RPTOR: variants seen among roughly 807,000 people sequenced by gnomAD.
The protein encoded by RPTOR is regulatory associated protein of MTOR complex 1.
A neutral mutation model predicts 169.9 loss-of-function variants in RPTOR; 21 were observed. That is an observed-to-expected ratio of 0.12 (90% CI 0.09 to 0.18). The LOEUF (loss-of-function observed/expected upper bound fraction) is 0.18. RPTOR is among the 10% of genes least tolerant of loss of function. The pLI, the probability that RPTOR is intolerant of heterozygous loss-of-function variation, is 1.00. For missense variants in RPTOR, 1,133 were observed against 1,855.9 expected (o/e 0.61, Z 7.16); for synonymous variants, 732 against 753.2 (o/e 0.97, Z 0.46).
rs555927669 is a variant in RPTOR, at chr17:80,555,087, CAGATGTTTG to C, written c.162+9300_162+9308del. Among the ~76,000 whole-genome samples, 30 of 152,232 alleles carry C rather than the reference CAGATGTTTG, an allele frequency of 2.0e-4. No individual in the cohort carries two copies. The East Asian group carries it at 4.2e-3, about 22-fold the overall frequency. On this transcript the variant is annotated intron_variant, in intron 1 of 33. Transcript: ENST00000306801. ...TAAGACCGTAAAGGGGCCCTGCTGCCAGATGTTTGAGAGTTATTAGTGTAGTTAGAAGAA... is the reference window on the plus strand; with the variant it reads ...TAAGACCGTAAAGGGGCCCTGCTGCCAGAGTTATTAGTGTAGTTAGAAGAA...
intron 3 of RPTOR, among the ~76,000 whole-genome samples, chr17:80,666,428 G>A (rs754031414): frequency 1.1e-4 from 17 of 152,116 alleles, no homozygotes; most frequent in African/African-American, 1.7e-4. Context: ...GGTCCTTGCC[G>A]TGAGTATAGG....
chr17:80,782,022 C>A (rs2066946704), intron 6 of RPTOR, among the ~76,000 whole-genome samples: 3 of 152,242 alleles, frequency 2.0e-5, no homozygotes. Context: ...CGGGGATTGA[C>A]TGATTCTTAA....
At chr17:80,855,435 G>C (rs755391849) in intron 11 of RPTOR, 29 bp from the exon 12 acceptor site, 2 of 1,561,628 alleles carry the variant, frequency 1.3e-6, no homozygotes, top group Middle Eastern at 1.7e-4. Context: ...ATGGTTTGCA[G>C]TGATACCATT....
intron 1 of RPTOR, among the ~76,000 whole-genome samples, chr17:80,599,906 A>G (rs777813830): frequency 1.3e-5 from 2 of 152,158 alleles, no homozygotes; most frequent in Non-Finnish European, 1.5e-5. Context: ...CCAGGCAGAA[A>G]ATTCAAAGTG....
chr17:80,632,866 G>A (rs775773902), intron 2 of RPTOR, among the ~76,000 whole-genome samples: 3 of 152,082 alleles, frequency 2.0e-5, no homozygotes, highest in Non-Finnish European at 4.4e-5. Flanking sequence ...GTGCAGTGGC[G>A]TGATCATAGC....
chr17:80,923,447 G>A, intron 22 of RPTOR, 43 bp from the exon 23 acceptor site: 1 of 1,610,330 alleles, frequency 6.2e-7, no homozygotes, highest in Non-Finnish European at 8.5e-7. Flanking sequence ...CGAAGCCCCA[G>A]ACTCTGCAGA....
chr17:80,611,546 C>T (rs1455384178), intron 1 of RPTOR, among the ~76,000 whole-genome samples: 7 of 152,068 alleles, frequency 4.6e-5, no homozygotes, highest in South Asian at 2.1e-4. Flanking sequence ...GGGTTACAGG[C>T]GTGAGCAGGA....
At chr17:80,851,039 C>A (rs1051860506) in intron 11 of RPTOR, among the ~76,000 whole-genome samples, 3 of 152,238 alleles carry the variant, frequency 2.0e-5, no homozygotes, top group Admixed American at 6.5e-5. Flanking sequence ...GGCCACCCTC[C>A]TGACTCAGCC....
At chr17:80,709,507 G>C (rs891080486) in intron 4 of RPTOR, among the ~76,000 whole-genome samples, 1 of 152,242 alleles carries the variant, frequency 6.6e-6, no homozygotes, top group Admixed American at 6.5e-5. Flanking sequence ...TCACTTGGTC[G>C]GAGGCTCTGC....
At chr17:80,578,024 C>T (rs533991174) in intron 1 of RPTOR, among the ~76,000 whole-genome samples, 7 of 152,284 alleles carry the variant, frequency 4.6e-5, no homozygotes, top group South Asian at 2.1e-4. Context: ...AGACTGAGGG[C>T]GGAGATAGCC....
intron 33 of RPTOR, 53 bp from the exon 34 acceptor site, chr17:80,964,209 C>CCCCGGGGG: frequency 7.5e-7 from 1 of 1,325,554 alleles, no homozygotes; most frequent in Non-Finnish European, 1.1e-6. Context: ...CCCCGCCCCC[C>CCCCGGGGG]GCAGTGTCTG....
Position 80,957,434 on chromosome 17 carries a change from C to T in RPTOR, c.3371-190C>T, listed in dbSNP as rs1030372714. On this transcript the variant is annotated intron_variant, in intron 28 of 33. Coordinates refer to ENST00000306801, the MANE Select transcript of RPTOR (RefSeq NM_020761.3). The surrounding 1 kb of genome is among the most constrained non-coding windows in gnomAD (Gnocchi z 4.6). ...GAGTTCCAGCTCAGAATTGTCACCC[C>T]AGCCTGGACGTGGGGCACACCAGGG... 6.6e-6 allele frequency among the ~76,000 whole-genome samples: 1 copy of T among 152,244 alleles called. No homozygotes were observed. Among genetic ancestry groups the T allele is most frequent in the Non-Finnish European group, 1.5e-5 (1 of 68,052 alleles).
rs116103373 is a variant in RPTOR at position 80,553,676 on chromosome 17, C to T, written c.162+7885C>T. On this transcript the variant is annotated intron_variant, in intron 1 of 33. Transcript: ENST00000306801. ...TAAAATCATCCATAGGTAAAAGATC[C>T]GTTCAATGTTAGACCAGTGGATTTT... Among the ~76,000 whole-genome samples, 1,512 of 152,086 alleles carry T rather than the reference C, an allele frequency of 9.9e-3. 28 individuals are homozygous for T. The highest frequency in any genetic ancestry group is 0.032 in the African/African-American group (1,340 of 41,474).
In RPTOR at chr17:80,840,505, C is replaced by T. The variant is rs377053637; in HGVS notation, c.1212+2508C>T. Among the ~76,000 whole-genome samples the T allele has an allele frequency of 4.6e-4, 62 of 133,580 alleles. No individual in the cohort carries two copies. In the East Asian group the frequency reaches 9.8e-3, roughly 21 times the overall value. 87.6% of individuals were successfully genotyped at this position (133,580 alleles called of 152,430 possible). A position where few individuals can be genotyped will look rare whatever the true frequency, so the allele number is the denominator to read the frequency against. ...ACGGCAGCTCACTCTCACCACACGG[C>T]AGCTCACACCACGGCAGCTCACACT... On this transcript the variant is annotated intron_variant, in intron 10 of 33. Coordinates refer to ENST00000306801, the MANE Select transcript of RPTOR (RefSeq NM_020761.3).
rs1402114870 is a variant in RPTOR at position 80,708,479 on chromosome 17, C to T, written c.507+480C>T. Among the ~76,000 whole-genome samples the T allele has an allele frequency of 6.6e-6, 1 of 152,212 alleles. No homozygotes were observed. The highest frequency in any genetic ancestry group is 1.5e-5 in the Non-Finnish European group (1 of 68,046). ...CAGAATCACCAGCCTTTTGCAATTC[C>T]GTTGCCCAGGACCAGATGAAGTGCT... On this transcript the variant is annotated intron_variant, in intron 4 of 33. Transcript: ENST00000306801. This position sits in a 1 kb window ranked among gnomAD's most constrained non-coding sequence, Gnocchi z 4.2.
At chr17:80,711,609 A>G (rs1045660180) in intron 4 of RPTOR, among the ~76,000 whole-genome samples, 14 of 152,164 alleles carry the variant, frequency 9.2e-5, no homozygotes, top group African/African-American at 2.2e-4. Context: ...ATTAAGGTCC[A>G]TGCATTGCAT....
chr17:80,703,203 C>G (rs1259471592), intron 3 of RPTOR, among the ~76,000 whole-genome samples: 1 of 152,208 alleles, frequency 6.6e-6, no homozygotes, highest in Non-Finnish European at 1.5e-5. Context: ...GAATTAGACT[C>G]CGAAATCTCG....
chr17:80,927,730 T>TCCTGTGTG (rs2068828993), intron 24 of RPTOR, among the ~76,000 whole-genome samples: 1 of 15,336 alleles, frequency 6.5e-5, no homozygotes, highest in Admixed American at 7.4e-4. Flanking sequence ...GTCTGTGTGT[T>TCCTGTGTG]TCTGTGTGTC....
chr17:80,854,705 C>T (rs762136595), intron 11 of RPTOR, among the ~76,000 whole-genome samples: 1 of 152,200 alleles, frequency 6.6e-6, no homozygotes, highest in Non-Finnish European at 1.5e-5. Context: ...CCTGCATGGG[C>T]AATGTAGTGA....
Sources: allele counts gnomAD v4.1 joint callset (sites outside exome capture counted in the v4.1 genomes callset), GRCh38; gene constraint gnomAD v4.1.1; non-coding constraint Gnocchi (gnomAD v3.1); transcripts MANE v1.5; gene names NCBI Gene and HGNC (gene_info 2026-07-23, HGNC 2026-07-21).